The following KCNG2 variants were observed in gnomAD, a reference collection of about 807,000 sequenced individuals.
KCNG2 encodes the protein potassium voltage-gated channel modifier subfamily G member 2.
KCNG2 carries 7 observed loss-of-function variants against 12.3 expected under a neutral mutation model. The observed-to-expected ratio is 0.57, with a 90% confidence interval of 0.32 to 1.07. KCNG2 has a LOEUF of 1.07. KCNG2 is among the 50% of genes least tolerant of loss of function. The pLI, the probability that KCNG2 is intolerant of heterozygous loss-of-function variation, is 0.04. For synonymous variants in KCNG2, 414 were observed against 351.4 expected, an observed-to-expected ratio of 1.18 and a Z score of -1.99; for missense variants, 703 against 726.0, an observed-to-expected ratio of 0.97 and a Z score of 0.36.
rs1288657176 is a variant in KCNG2 at position 79,899,645 on chromosome 18, C to T, written c.1230C>T (p.Arg410=). 2.5e-6 allele frequency: 4 copies of T among 1,606,614 alleles called. No individual in the cohort carries two copies. Among genetic ancestry groups the T allele is most frequent in the African/African-American group, 1.3e-5 (1 of 74,304 alleles). ...CCTCCATCTTCCACACCTTTTCGCG[C>T]TCCTACTCCGAGCTCAAGGAGCAGC... ...PVTSIFHTFS[R]SYSELKEQQQ... is the part of the protein sequence containing the mutation. The change falls in exon 4 of 4, where the codon CGC becomes CGT. Residue 410 remains arginine (R), a synonymous_variant. Transcript: ENST00000316249.
chr18:79,854,510 TATACATTGCCTTTCATTGGC>T, intron 1 of KCNG2, among the ~76,000 whole-genome samples: 1 of 150,136 alleles, frequency 6.7e-6, no homozygotes, highest in Non-Finnish European at 1.5e-5. Flanking sequence ...TCCAAGTCTT[TATACATTGCCTTTCATTGGC>T]TTTTTTTTTT....
At chr18:79,844,364 C>G (rs564307541) in intron 1 of KCNG2, among the ~76,000 whole-genome samples, 2 of 152,192 alleles carry the variant, frequency 1.3e-5, no homozygotes, top group African/African-American at 4.8e-5. Context: ...GTTGAACTCA[C>G]AAGCAGAGAG....
rs1248131755 is a variant in KCNG2, at chr18:79,899,541, G to A, written c.1126G>A (p.Val376Ile). 1 of 1,605,102 alleles carries A rather than the reference G, an allele frequency of 6.2e-7. No individual in the cohort carries two copies. ...GACCACCGTGGGCTACGGCGACATG[G>A]TCCCGCGCAGCCTGCCCGGGCAGGT... Reference protein sequence around the residue: ...SMTTVGYGDMVPRSLPGQVVA... With the variant: ...SMTTVGYGDMIPRSLPGQVVA... The change falls in exon 4 of 4, where the codon GTC becomes ATC. Residue 376 changes from valine (V) to isoleucine (I), a missense_variant. Physicochemically the swap from Val to Ile is conservative, Grantham distance 29. Coordinates refer to ENST00000316249, the MANE Select transcript of KCNG2 (RefSeq NM_012283.2).
intron 3 of KCNG2, among the ~76,000 whole-genome samples, chr18:79,895,160 G>A (rs1980917880): frequency 6.6e-6 from 1 of 151,362 alleles, no homozygotes; most frequent in East Asian, 2.0e-4. Context: ...AGTTGGGTCT[G>A]TGTCTGCTTT....
intron 1 of KCNG2, among the ~76,000 whole-genome samples, chr18:79,816,998 T>C (rs1172403224): frequency 6.6e-6 from 1 of 151,642 alleles, no homozygotes; most frequent in Non-Finnish European, 1.5e-5. Flanking sequence ...GCCTGTCACA[T>C]GGTTGTCACA....
At chr18:79,858,125 C>T (rs1007590553) in intron 2 of KCNG2, among the ~76,000 whole-genome samples, 4 of 152,102 alleles carry the variant, frequency 2.6e-5, no homozygotes, top group Admixed American at 1.3e-4. Context: ...CTCAGCCTCC[C>T]GAGTAGCTGG....
At chr18:79,866,810 GTCTGT>G (rs1979595069) in intron 3 of KCNG2, among the ~76,000 whole-genome samples, 1 of 128,166 alleles carries the variant, frequency 7.8e-6, no homozygotes, top group Non-Finnish European at 1.7e-5. Flanking sequence ...AGGTCTGTGT[GTCTGT>G]GTGCTGAGAG....
intron 1 of KCNG2, among the ~76,000 whole-genome samples, chr18:79,850,286 A>C (rs1978773039): frequency 6.6e-6 from 1 of 152,236 alleles, no homozygotes; most frequent in Non-Finnish European, 1.5e-5. Context: ...AGGTGATTAA[A>C]GTTTGTATAA....
intron 1 of KCNG2, among the ~76,000 whole-genome samples, chr18:79,829,792 C>G (rs1275413701): frequency 6.6e-6 from 1 of 152,232 alleles, no homozygotes; most frequent in East Asian, 1.9e-4. Flanking sequence ...GCCTGGTTGG[C>G]CTTAAGACAG....
In KCNG2 at chr18:79,900,014, C is replaced by T. The variant is rs1981162335; in HGVS notation, c.*198C>T. ...CCCGTGGCAGCGCTGGGCAAAGTCA[C>T]TGGCCTTTGTCCTCCTGCCCCACCC... is the stretch of plus-strand genomic sequence containing the variant. On this transcript the variant is annotated 3_prime_UTR_variant, in exon 4 of 4. Transcript: ENST00000316249. The T allele has an allele frequency of 2.5e-6, 1 of 398,730 alleles. No individual in the cohort carries two copies. Among genetic ancestry groups the T allele is most frequent in the African/African-American group, 2.1e-5 (1 of 47,770 alleles). 24.7% of individuals were successfully genotyped at this position (398,730 alleles called of 1,614,324 possible).
In KCNG2 at chr18:79,869,903, G is replaced by A. The variant is rs113014574; in HGVS notation, c.624+5612G>A. Among the ~76,000 whole-genome samples the A allele has an allele frequency of 3.2e-3, 494 of 152,374 alleles. 4 individuals carry two copies. The highest frequency in any genetic ancestry group is 0.011 in the African/African-American group (474 of 41,592). On this transcript the variant is annotated intron_variant, in intron 3 of 3. Transcript: ENST00000316249. ...CCGCCACCACCACGCGGGACGGCCC[G>A]CAGCCGTGGCATGGATGTTTTAATC...
chr18:79,798,841 C>G (rs1011505613), intron 1 of KCNG2, among the ~76,000 whole-genome samples: 13 of 152,174 alleles, frequency 8.5e-5, no homozygotes, highest in Admixed American at 6.5e-4. Flanking sequence ...GAACTGGGCC[C>G]GCTCCGCGTC....
At chr18:79,861,198 CTT>C (rs1979204275) in intron 2 of KCNG2, among the ~76,000 whole-genome samples, 1 of 151,318 alleles carries the variant, frequency 6.6e-6, no homozygotes, top group Non-Finnish European at 1.5e-5. Context: ...ATGTATAATC[CTT>C]TTAATATGAA....
chr18:79,838,233 C>G (rs924450012), intron 1 of KCNG2, among the ~76,000 whole-genome samples: 1 of 151,998 alleles, frequency 6.6e-6, no homozygotes, highest in Non-Finnish European at 1.5e-5. Flanking sequence ...CAGAGCCAAA[C>G]CATATCAAAA....
chr18:79,834,526 A>G (rs1011945001), intron 1 of KCNG2, among the ~76,000 whole-genome samples: 2 of 152,172 alleles, frequency 1.3e-5, no homozygotes, highest in African/African-American at 4.8e-5. Flanking sequence ...AGTTTGAGAG[A>G]GAAAGTGGGA....
intron 1 of KCNG2, among the ~76,000 whole-genome samples, chr18:79,821,994 G>A (rs968215717): frequency 3.3e-5 from 5 of 152,164 alleles, no homozygotes; most frequent in African/African-American, 1.2e-4. Context: ...TTCTAGAAGT[G>A]GGCTGAGTGA....
At chr18:79,828,830 CAT>C (rs1357809088) in intron 1 of KCNG2, among the ~76,000 whole-genome samples, 1 of 114,184 alleles carries the variant, frequency 8.8e-6, no homozygotes, top group Non-Finnish European at 1.8e-5. Flanking sequence ...GTGTGTGTAA[CAT>C]GTCCATGATG....
chr18:79,867,984 T>C (rs1979676499), intron 3 of KCNG2, among the ~76,000 whole-genome samples: 1 of 152,194 alleles, frequency 6.6e-6, no homozygotes, highest in Non-Finnish European at 1.5e-5. Context: ...GGCTGCTGCC[T>C]GCAGTCTGGG....
At chr18:79,824,622 A>G (rs1847100185) in intron 1 of KCNG2, among the ~76,000 whole-genome samples, 1 of 152,144 alleles carries the variant, frequency 6.6e-6, no homozygotes, top group African/African-American at 2.4e-5. Context: ...CCATTAAGAG[A>G]GCGGCTTTAG....
Sources: allele counts gnomAD v4.1 joint callset (sites outside exome capture counted in the v4.1 genomes callset), GRCh38; gene constraint gnomAD v4.1.1; transcripts MANE v1.5; gene names NCBI Gene and HGNC (gene_info 2026-07-23, HGNC 2026-07-21).